Variants in DNAAF9 observed in about 807,000 individuals in gnomAD.
The protein encoded by DNAAF9 is shulin.
DNAAF9 carries 90 observed loss-of-function variants against 167.0 expected under a neutral mutation model. The ratio of observed to expected loss-of-function variants is 0.54; its 90% CI spans 0.45 to 0.64. DNAAF9 has a LOEUF of 0.64. Among genes scored for constraint, DNAAF9 ranks in the 30% least tolerant of loss-of-function variants. The pLI is 0.00. For synonymous variants in DNAAF9, 491 were observed against 508.8 expected, an observed-to-expected ratio of 0.96 and a Z score of 0.47; for missense variants, 1,315 against 1,442.2, an observed-to-expected ratio of 0.91 and a Z score of 1.43.
intron 34 of DNAAF9, 92 bp downstream of exon 34, chr20:3,255,914 A>C: frequency 1.1e-6 from 1 of 927,318 alleles, no homozygotes; most frequent in Non-Finnish European, 1.7e-6. Flanking sequence ...GGGAGGCATC[A>C]GGGAGGCAGT....
At chr20:3,289,875 T>G (rs2068918783) in intron 26 of DNAAF9, among the ~76,000 whole-genome samples, 1 of 152,208 alleles carries the variant, frequency 6.6e-6, no homozygotes, top group South Asian at 2.1e-4. Flanking sequence ...CTTATCTGTT[T>G]GTCTTACCAA....
intron 14 of DNAAF9, among the ~76,000 whole-genome samples, chr20:3,324,065 C>T (rs1278397225): frequency 1.3e-5 from 2 of 152,172 alleles, no homozygotes; most frequent in Non-Finnish European, 2.9e-5. Flanking sequence ...CCAGAAGACC[C>T]AGGGGAAAGA....
In DNAAF9 at chr20:3,340,528, G is replaced by A. The variant is rs758729140; in HGVS notation, c.957C>T (p.Pro319=). The change falls in exon 10 of 37, where the codon CCC becomes CCT. Residue 319 remains proline (P), a synonymous_variant. Transcript: ENST00000252032. ...CCATGTGCTTGGCAAAGCTCCCGCC[G>A]GGACCAGTGCTTCGTACCAGATGTC... ...SEGHLVRSTG[P]GGSFAKHMVA... is the part of the protein sequence containing the mutation. The A allele has an allele frequency of 5.6e-5, 84 of 1,510,700 alleles. No individual in the cohort carries two copies. Among genetic ancestry groups the A allele is most frequent in the Admixed American group, 1.5e-4 (8 of 53,138 alleles). 93.6% of individuals were successfully genotyped at this position (1,510,700 alleles called of 1,614,324 possible). A position where few individuals can be genotyped will look rare whatever the true frequency, so the allele number is the denominator to read the frequency against.
intron 6 of DNAAF9, among the ~76,000 whole-genome samples, chr20:3,373,325 T>C (rs1342276055): frequency 6.6e-6 from 1 of 152,232 alleles, no homozygotes; most frequent in African/African-American, 2.4e-5. Context: ...TCCCCGTCCC[T>C]GGTTTCCTGT....
intron 1 of DNAAF9, among the ~76,000 whole-genome samples, chr20:3,386,597 G>A (rs56739482): frequency 0.043 from 6,516 of 151,774 alleles, 195 homozygotes; most frequent in African/African-American, 0.088. Flanking sequence ...GATCCATAGG[G>A]AAAAAAAATG....
At chr20:3,254,095 T>C (rs181186325) in intron 35 of DNAAF9, among the ~76,000 whole-genome samples, 1 of 152,274 alleles carries the variant, frequency 6.6e-6, no homozygotes, top group East Asian at 1.9e-4. Flanking sequence ...ATTTATTTTT[T>C]TGAGATAGAG....
At chr20:3,299,564 G>C (rs550444599) in intron 21 of DNAAF9, among the ~76,000 whole-genome samples, 2 of 152,260 alleles carry the variant, frequency 1.3e-5, no homozygotes, top group South Asian at 4.2e-4. Context: ...TGCCCTCCTT[G>C]GCCTCCCAAA....
intron 1 of DNAAF9, among the ~76,000 whole-genome samples, chr20:3,406,838 G>A (rs1255339816): frequency 2.6e-5 from 4 of 152,022 alleles, no homozygotes; most frequent in Non-Finnish European, 2.9e-5. Context: ...GTGAGGGGGC[G>A]TCGCGATGCA....
chr20:3,270,134 T>TG (rs1278539589), intron 30 of DNAAF9, among the ~76,000 whole-genome samples: 7 of 109,002 alleles, frequency 6.4e-5, no homozygotes, highest in Non-Finnish European at 8.8e-5. Context: ...GTGCCCAGCC[T>TG]GCTTTTTTTT....
chr20:3,277,832 A>G (rs750053882), intron 29 of DNAAF9, among the ~76,000 whole-genome samples: 53 of 152,174 alleles, frequency 3.5e-4, no homozygotes, highest in Non-Finnish European at 6.3e-4. Flanking sequence ...TCCTCCCTCC[A>G]GGGACCAGCC....
At chr20:3,300,939 G>C (rs926469055) in intron 21 of DNAAF9, among the ~76,000 whole-genome samples, 6 of 150,732 alleles carry the variant, frequency 4.0e-5, no homozygotes, top group Admixed American at 4.0e-4. Context: ...ATACAACAGA[G>C]AAGAAAGTTT....
chr20:3,319,114 A>G (rs373511529), intron 16 of DNAAF9, among the ~76,000 whole-genome samples: 2 of 141,626 alleles, frequency 1.4e-5, no homozygotes, highest in Non-Finnish European at 3.1e-5. Flanking sequence ...AGAAAAAAAA[A>G]TAGCCAGGCA....
At chr20:3,362,317 G>C (rs956734608) in intron 6 of DNAAF9, 14 of 890,722 alleles carry the variant, frequency 1.6e-5, no homozygotes, top group Non-Finnish European at 2.5e-5. Context: ...GCCTGTGGTG[G>C]CTGCCATCTT....
At chr20:3,333,123 C>A (rs1333707292) in intron 10 of DNAAF9, among the ~76,000 whole-genome samples, 1 of 152,158 alleles carries the variant, frequency 6.6e-6, no homozygotes, top group African/African-American at 2.4e-5. Context: ...TGTGGGACAG[C>A]TCCAAATTCA....
chr20:3,405,392 G>A (rs1195892286), intron 1 of DNAAF9, among the ~76,000 whole-genome samples: 1 of 152,140 alleles, frequency 6.6e-6, no homozygotes. Flanking sequence ...GCCATATATG[G>A]GTGACAGGAA....
chr20:3,266,638 C>T (rs1049798062), intron 30 of DNAAF9, among the ~76,000 whole-genome samples: 2 of 151,198 alleles, frequency 1.3e-5, no homozygotes, highest in African/African-American at 2.4e-5. Flanking sequence ...CCACCATGCC[C>T]GGCTTATTTT....
chr20:3,347,936 TAAC>T (rs1167107487), intron 8 of DNAAF9, among the ~76,000 whole-genome samples: 1 of 151,850 alleles, frequency 6.6e-6, no homozygotes, highest in Non-Finnish European at 1.5e-5. Flanking sequence ...GTAAAATGCG[TAAC>T]AACAAAGATC....
intron 9 of DNAAF9, among the ~76,000 whole-genome samples, chr20:3,343,469 G>C (rs1231366816): frequency 6.6e-6 from 1 of 152,092 alleles, no homozygotes; most frequent in East Asian, 1.9e-4. Flanking sequence ...TCAAAAGCTA[G>C]TTTACTATAA....
intron 1 of DNAAF9, among the ~76,000 whole-genome samples, chr20:3,397,154 A>G (rs239482): frequency 0.76 from 115,740 of 151,658 alleles, 44,720 homozygotes; most frequent in African/African-American, 0.89. Flanking sequence ...GGCTGAGTTG[A>G]GAGGATTGCT....
Sources: gnomAD v4.1 joint callset for allele counts (sites outside exome capture counted in the v4.1 genomes callset) on GRCh38, gnomAD v4.1.1 for gene constraint, MANE v1.5 for transcripts, NCBI Gene and HGNC (gene_info 2026-07-23, HGNC 2026-07-21) for gene names.